Variants in JMJD1C observed in about 807,000 individuals in gnomAD.
The protein encoded by JMJD1C is jumonji domain-containing protein 1C.
Under a neutral mutation model 245.3 loss-of-function variants are expected in JMJD1C, and 31 were observed. The ratio of observed to expected loss-of-function variants is 0.13; its 90% CI spans 0.09 to 0.17. The LOEUF is 0.17. Ranked by LOEUF, JMJD1C falls within the 10% of genes least tolerant of loss-of-function variation. The pLI is 1.00. For missense variants in JMJD1C, 2,691 were observed against 3,000.2 expected, an observed-to-expected ratio of 0.90 and a Z score of 2.41; for synonymous variants, 1,057 against 1,017.4, an observed-to-expected ratio of 1.04 and a Z score of -0.74.
At chr10:63,353,830 T>C (rs2134308014) in intron 2 of JMJD1C, among the ~76,000 whole-genome samples, 1 of 151,428 alleles carries the variant, frequency 6.6e-6, no homozygotes, top group Non-Finnish European at 1.5e-5. Flanking sequence ...TTAAATTTAT[T>C]ACTGAGGCTT....
chr10:63,296,334 G>C (rs1859431424), intron 2 of JMJD1C, among the ~76,000 whole-genome samples: 1 of 151,928 alleles, frequency 6.6e-6, no homozygotes, highest in African/African-American at 2.4e-5. Flanking sequence ...TTAATATTGA[G>C]ATCACGAACA....
rs548218709 is a variant in JMJD1C, at chr10:63,413,401, CATATT to C, written c.169-32924_169-32920del. On this transcript the variant is annotated intron_variant, in intron 1 of 25. Transcript: ENST00000399262. ...TAAATAACATTCTTAAAATTTATGACATATTATAGTTTAATATGTGTAGATTTTAA... is the reference window on the plus strand; with the variant it reads ...TAAATAACATTCTTAAAATTTATGACATAGTTTAATATGTGTAGATTTTAA... Among the ~76,000 whole-genome samples, 51 of 152,198 alleles carry C rather than the reference CATATT, an allele frequency of 3.4e-4. 2 individuals are homozygous for C. In the South Asian group the frequency reaches 0.01, roughly 31 times the overall value.
intron 1 of JMJD1C, among the ~76,000 whole-genome samples, chr10:63,499,762 C>T (rs952902939): frequency 6.6e-6 from 1 of 152,098 alleles, no homozygotes; most frequent in Non-Finnish European, 1.5e-5. Context: ...ATTCAAATGT[C>T]TGAACTTTAT....
intron 3 of JMJD1C, among the ~76,000 whole-genome samples, chr10:63,221,432 T>A (rs1013935999): frequency 6.6e-6 from 1 of 152,204 alleles, no homozygotes; most frequent in Non-Finnish European, 1.5e-5. Flanking sequence ...TAAGGGCCTT[T>A]AAATTAATTA....
intron 1 of JMJD1C, among the ~76,000 whole-genome samples, chr10:63,411,905 AT>A (rs1174450794): frequency 0.24 from 29,737 of 126,188 alleles, 4,041 homozygotes; most frequent in Non-Finnish European, 0.33. Flanking sequence ...GCCTGGCCCA[AT>A]TTTTTTTTTT....
At chr10:63,308,303 C>G (rs979991148) in intron 2 of JMJD1C, among the ~76,000 whole-genome samples, 4 of 152,124 alleles carry the variant, frequency 2.6e-5, no homozygotes, top group Non-Finnish European at 5.9e-5. Flanking sequence ...AGGAAAGTAA[C>G]CAGTCTAGGA....
intron 2 of JMJD1C, among the ~76,000 whole-genome samples, chr10:63,285,834 CAAAA>C (rs984681489): frequency 1.3e-5 from 2 of 151,958 alleles, no homozygotes; most frequent in African/African-American, 4.8e-5. Flanking sequence ...ACAAACAAAA[CAAAA>C]AAACCTTTCT....
chr10:63,180,132 C>G (rs1305731568), intron 22 of JMJD1C, among the ~76,000 whole-genome samples: 1 of 152,112 alleles, frequency 6.6e-6, no homozygotes, highest in African/African-American at 2.4e-5. Flanking sequence ...CTCAGCTTCC[C>G]AAGTAGCTGG....
intron 8 of JMJD1C, among the ~76,000 whole-genome samples, chr10:63,209,786 T>C (rs535738863): frequency 2.3e-4 from 35 of 152,232 alleles, no homozygotes; most frequent in Non-Finnish European, 4.1e-4. Flanking sequence ...ACCATTAAGC[T>C]TGGAGGTGTA....
At chr10:63,451,661 A>G (rs907434852) in intron 1 of JMJD1C, among the ~76,000 whole-genome samples, 3 of 152,224 alleles carry the variant, frequency 2.0e-5, no homozygotes, top group African/African-American at 7.2e-5. Context: ...GGTTACATGC[A>G]AATACTATGC....
chr10:63,288,435 G>T (rs753544330), intron 2 of JMJD1C, among the ~76,000 whole-genome samples: 4 of 152,150 alleles, frequency 2.6e-5, no homozygotes, highest in Non-Finnish European at 5.9e-5. Context: ...TAGCAATTAT[G>T]AATAAAGCTC....
Position 63,213,991 on chromosome 10 carries a change from C to T in JMJD1C, c.2176G>A (p.Ala726Thr). 1.2e-6 allele frequency: 2 copies of T among 1,614,160 alleles called. No individual in the cohort carries two copies. The highest frequency in any genetic ancestry group is 1.7e-6 in the Non-Finnish European group (2 of 1,179,994). Residue 726 changes from alanine (A) to threonine (T), a missense_variant, in exon 8 of 26, where the codon GCT becomes ACT. Transcript: ENST00000399262. ...CTTAGGAAAGGTGAAATATGATTAG[C>T]TCCTGTTTCTGACCCAATAAGTGCA... The part of the protein sequence containing the change: ...DPALIGSETG[A>T]NHISPFLSQH...
intron 1 of JMJD1C, among the ~76,000 whole-genome samples, chr10:63,501,631 C>A (rs553434694): frequency 1.3e-5 from 2 of 152,192 alleles, no homozygotes; most frequent in Admixed American, 1.3e-4. Flanking sequence ...CAAAAATTAG[C>A]CAGGCATGGT....
chr10:63,173,906 G>C (rs761432767), intron 24 of JMJD1C, among the ~76,000 whole-genome samples: 3 of 152,118 alleles, frequency 2.0e-5, no homozygotes, highest in Non-Finnish European at 4.4e-5. Context: ...TTTAACCAAA[G>C]TAGATATACA....
intron 1 of JMJD1C, among the ~76,000 whole-genome samples, chr10:63,401,467 G>A (rs1034784800): frequency 5.3e-5 from 8 of 152,038 alleles, no homozygotes; most frequent in South Asian, 2.1e-4. Flanking sequence ...GGCTGGTCTC[G>A]AACTCTTGGC....
At chr10:63,284,336 C>T (rs942136861) in intron 2 of JMJD1C, among the ~76,000 whole-genome samples, 1 of 152,064 alleles carries the variant, frequency 6.6e-6, no homozygotes, top group Non-Finnish European at 1.5e-5. Context: ...CTGGAGTTTC[C>T]TTTATCCTTC....
chr10:63,219,757 T>C, intron 4 of JMJD1C, 121 bp downstream of exon 4: 3 of 588,618 alleles, frequency 5.1e-6, no homozygotes, highest in South Asian at 4.9e-5. Context: ...CCTGGATGTA[T>C]ATAACTCAAA....
At chr10:63,441,527 G>A (rs867577768) in intron 1 of JMJD1C, among the ~76,000 whole-genome samples, 3 of 152,062 alleles carry the variant, frequency 2.0e-5, no homozygotes, top group African/African-American at 7.2e-5. Context: ...ATATTAATGG[G>A]AACTAATACC....
chr10:63,346,475 C>T (rs192428328), intron 2 of JMJD1C, among the ~76,000 whole-genome samples: 58 of 152,290 alleles, frequency 3.8e-4, no homozygotes, highest in Admixed American at 8.5e-4. Context: ...GCTTCTGTAA[C>T]AATAGCTAAA....
Sources: allele counts gnomAD v4.1 joint callset (sites outside exome capture counted in the v4.1 genomes callset), GRCh38; gene constraint gnomAD v4.1.1; transcripts MANE v1.5; gene names NCBI Gene and HGNC (gene_info 2026-07-23, HGNC 2026-07-21).